CSMD1: variants seen among roughly 807,000 people sequenced by gnomAD.
The protein encoded by CSMD1 is CUB and sushi domain-containing protein 1.
CSMD1 carries 213 observed loss-of-function variants against 417.5 expected under a neutral mutation model. The observed-to-expected ratio is 0.51, with a 90% CI of 0.46 to 0.57. The LOEUF (loss-of-function observed/expected upper bound fraction) is 0.57. Among genes scored for constraint, CSMD1 ranks in the 20% least tolerant of loss-of-function variants. The probability of loss-of-function intolerance (pLI) is 0.00; values close to 1 mark genes in which losing one functional copy is unlikely to be tolerated. For missense variants in CSMD1, 6,923 were observed against 4,529.7 expected (o/e 1.53, Z -15.17); for synonymous variants, 2,862 against 1,736.8 (o/e 1.65, Z -16.11).
chr8:3,507,732 G>C (rs1030677101), intron 10 of CSMD1, among the ~76,000 whole-genome samples: 7 of 152,146 alleles, frequency 4.6e-5, no homozygotes, highest in African/African-American at 1.7e-4. Flanking sequence ...CTGGGGTTTT[G>C]ATTTGCATTT....
intron 2 of CSMD1, among the ~76,000 whole-genome samples, chr8:4,493,357 G>C (rs920264573): frequency 1.3e-5 from 2 of 152,052 alleles, no homozygotes; most frequent in Admixed American, 6.6e-5. Context: ...CCTAAATGAT[G>C]GTTGTTAGTT....
chr8:4,121,737 G>A (rs190616543), intron 3 of CSMD1, among the ~76,000 whole-genome samples: 2 of 151,812 alleles, frequency 1.3e-5, no homozygotes, highest in African/African-American at 2.4e-5. Context: ...ATGGCAGCAA[G>A]GATAAAACAG....
At chr8:4,115,205 G>T (rs996423310) in intron 3 of CSMD1, among the ~76,000 whole-genome samples, 1 of 152,180 alleles carries the variant, frequency 6.6e-6, no homozygotes, top group Non-Finnish European at 1.5e-5. Context: ...TACCATCTTG[G>T]TAAGTCAGCA....
At chr8:3,756,089 G>C (rs770667398) in intron 5 of CSMD1, among the ~76,000 whole-genome samples, 1 of 152,054 alleles carries the variant, frequency 6.6e-6, no homozygotes, top group Non-Finnish European at 1.5e-5. Context: ...GGGCGCAGTG[G>C]CTCACACCTC....
chr8:3,653,204 T>A (rs543593860), intron 7 of CSMD1, among the ~76,000 whole-genome samples: 2 of 152,032 alleles, frequency 1.3e-5, no homozygotes, highest in East Asian at 3.9e-4. Context: ...AAAATTGTAA[T>A]TATTTCCAAA....
chr8:3,166,920 A>C (rs71521809), intron 37 of CSMD1, among the ~76,000 whole-genome samples: 2,073 of 152,342 alleles, frequency 0.014, 20 homozygotes, highest in Non-Finnish European at 0.021. Context: ...ACTTCTTTCA[A>C]ATCACAGCAT....
At chr8:4,738,277 T>C (rs1810370951) in intron 1 of CSMD1, among the ~76,000 whole-genome samples, 1 of 152,250 alleles carries the variant, frequency 6.6e-6, no homozygotes, top group Admixed American at 6.5e-5. Context: ...TATAAACAAC[T>C]GCTTGAGAAT....
intron 11 of CSMD1, among the ~76,000 whole-genome samples, chr8:3,485,777 T>C (rs866784867): frequency 1.2e-5 from 1 of 80,582 alleles, no homozygotes; most frequent in African/African-American, 5.5e-5. Flanking sequence ...TAAAATAAAA[T>C]AAAATAAAAT....
At chr8:4,194,317 G>A (rs73658462) in intron 3 of CSMD1, among the ~76,000 whole-genome samples, 4,360 of 152,196 alleles carry the variant, frequency 0.029, 243 homozygotes, top group African/African-American at 0.099. Context: ...CCTATAGGAT[G>A]GGATTTAGAA....
chr8:3,566,158 A>C (rs1303082794), intron 10 of CSMD1, among the ~76,000 whole-genome samples: 3 of 152,036 alleles, frequency 2.0e-5, no homozygotes. Context: ...AGAGGAGGCA[A>C]ACAACAAAGA....
intron 1 of CSMD1, among the ~76,000 whole-genome samples, chr8:4,698,215 G>T (rs1330737840): frequency 6.7e-6 from 1 of 149,304 alleles, no homozygotes; most frequent in Non-Finnish European, 1.5e-5. Flanking sequence ...ATGTAATTAA[G>T]TAAGCCCTGG....
At chr8:3,605,199 C>G (rs987093731) in intron 8 of CSMD1, among the ~76,000 whole-genome samples, 6 of 152,292 alleles carry the variant, frequency 3.9e-5, no homozygotes, top group African/African-American at 4.8e-5. Context: ...CCTGTTTTGA[C>G]TAGGCTGGTC....
chr8:4,829,595 G>A (rs1347145458), intron 1 of CSMD1, among the ~76,000 whole-genome samples: 1 of 152,008 alleles, frequency 6.6e-6, no homozygotes, highest in Non-Finnish European at 1.5e-5. Context: ...TACACAATTA[G>A]CTGGGCACAG....
At chr8:3,556,392 A>ATATATATATATATAT (rs1554468279) in intron 10 of CSMD1, among the ~76,000 whole-genome samples, 5,001 of 120,246 alleles carry the variant, frequency 0.042, 346 homozygotes, top group Middle Eastern at 0.069. Context: ...TATAATAATT[A>ATATATATATATATAT]ATATATATAT....
intron 3 of CSMD1, among the ~76,000 whole-genome samples, chr8:4,209,866 C>G (rs1800204930): frequency 6.6e-6 from 1 of 152,172 alleles, no homozygotes. Context: ...GCAGAAATTT[C>G]TAGAATGTAG....
chr8:4,635,701 G>A (rs1299159927), intron 2 of CSMD1, among the ~76,000 whole-genome samples: 2 of 152,000 alleles, frequency 1.3e-5, no homozygotes, highest in Non-Finnish European at 2.9e-5. Flanking sequence ...TACCCTAGTA[G>A]CGTTGATAAT....
intron 1 of CSMD1, among the ~76,000 whole-genome samples, chr8:4,690,824 G>A (rs1584950011): frequency 6.6e-6 from 1 of 152,138 alleles, no homozygotes; most frequent in Non-Finnish European, 1.5e-5. Flanking sequence ...TTCCTGCCGG[G>A]TTCAAGCAAT....
At chr8:4,972,264 T>C (rs1230173701) in intron 1 of CSMD1, among the ~76,000 whole-genome samples, 2 of 148,016 alleles carry the variant, frequency 1.4e-5, no homozygotes, top group African/African-American at 2.7e-5. Flanking sequence ...GACACTGATA[T>C]TGTTTTGCTC....
intron 1 of CSMD1, among the ~76,000 whole-genome samples, chr8:4,700,449 AT>A (rs1401073677): frequency 6.6e-6 from 1 of 152,114 alleles, no homozygotes; most frequent in Non-Finnish European, 1.5e-5. Context: ...GTGACACCTC[AT>A]TGCTTGGAAA....
Sources: allele counts gnomAD v4.1 joint callset (sites outside exome capture counted in the v4.1 genomes callset), GRCh38; gene constraint gnomAD v4.1.1; transcripts MANE v1.5; gene names NCBI Gene and HGNC (gene_info 2026-07-23, HGNC 2026-07-21).